The following CNOT6 variants were observed in gnomAD, a reference collection of about 807,000 sequenced individuals.
CNOT6 encodes the protein CCR4-NOT transcription complex subunit 6.
In CNOT6, 12 loss-of-function variants were observed where a neutral mutation model predicts 61.2. The ratio of observed to expected loss-of-function variants is 0.20; its 90% CI spans 0.13 to 0.32. CNOT6 has a LOEUF of 0.32. CNOT6 is among the 10% of genes least tolerant of loss of function. The probability of loss-of-function intolerance (pLI) is 1.00; values close to 1 mark genes in which losing one functional copy is unlikely to be tolerated. For synonymous variants in CNOT6, 225 were observed against 240.6 expected, an observed-to-expected ratio of 0.94 and a Z score of 0.60; for missense variants, 405 against 663.9, an observed-to-expected ratio of 0.61 and a Z score of 4.28.
chr5:180,529,474 C>A, intron 2 of CNOT6, 86 bp downstream of exon 2: 1 of 734,692 alleles, frequency 1.4e-6, no homozygotes, highest in Non-Finnish European at 2.4e-6. Flanking sequence ...AGGAAAGAAA[C>A]ATTGATTTTA....
At chr5:180,569,060 C>A in intron 9 of CNOT6, 50 bp from the exon 10 acceptor site, 1 of 1,350,902 alleles carries the variant, frequency 7.4e-7, no homozygotes, top group Non-Finnish European at 1.0e-6. Context: ...AATATATGGG[C>A]TGATGGGCGG....
At chr5:180,518,307 A>G (rs772201872) in intron 1 of CNOT6, among the ~76,000 whole-genome samples, 7 of 152,196 alleles carry the variant, frequency 4.6e-5, no homozygotes, top group South Asian at 2.1e-4. Flanking sequence ...GGCTCATTTT[A>G]TACATTTCCT....
At chr5:180,510,474 A>T (rs7705421) in intron 1 of CNOT6, among the ~76,000 whole-genome samples, 1 of 151,840 alleles carries the variant, frequency 6.6e-6, no homozygotes, top group Non-Finnish European at 1.5e-5. Context: ...GTCTAATGGA[A>T]CTAAGTGGGT....
intron 1 of CNOT6, among the ~76,000 whole-genome samples, chr5:180,528,785 T>A (rs964483998): frequency 6.6e-6 from 1 of 152,224 alleles, no homozygotes; most frequent in Admixed American, 6.5e-5. Flanking sequence ...CCCCCACAGC[T>A]GCTGCACCCT....
intron 6 of CNOT6, among the ~76,000 whole-genome samples, chr5:180,565,131 T>G (rs1760390129): frequency 6.6e-6 from 1 of 152,274 alleles, no homozygotes; most frequent in Non-Finnish European, 1.5e-5. Context: ...ATGTCAGTAG[T>G]GCGACTCTGG....
At chr5:180,538,355 T>TA (rs142961839) in intron 2 of CNOT6, among the ~76,000 whole-genome samples, 40,528 of 147,890 alleles carry the variant, frequency 0.27, 6,088 homozygotes, top group Middle Eastern at 0.41. Flanking sequence ...TCATCTTTAT[T>TA]AAAAAATACA....
intron 1 of CNOT6, among the ~76,000 whole-genome samples, chr5:180,519,633 T>C (rs1193890404): frequency 6.6e-6 from 1 of 152,208 alleles, no homozygotes; most frequent in Non-Finnish European, 1.5e-5. Flanking sequence ...AATTAATATA[T>C]TGAATATTTC....
chr5:180,537,804 CTTTTTT>C (rs11407875), intron 2 of CNOT6, among the ~76,000 whole-genome samples: 2 of 141,944 alleles, frequency 1.4e-5, no homozygotes, highest in Non-Finnish European at 3.0e-5. Flanking sequence ...CTTTCTCTCT[CTTTTTT>C]TTTTTTTTGG....
At chr5:180,549,831 A>G in intron 2 of CNOT6, 100 bp from the exon 3 acceptor site, 1 of 875,380 alleles carries the variant, frequency 1.1e-6, no homozygotes, top group East Asian at 2.4e-5. Context: ...TTGGATAATA[A>G]TTTAAGTTAC....
At chr5:180,519,553 A>G (rs550259250) in intron 1 of CNOT6, among the ~76,000 whole-genome samples, 1 of 152,306 alleles carries the variant, frequency 6.6e-6, no homozygotes, top group Admixed American at 6.5e-5. Flanking sequence ...ATAAAATGCA[A>G]TGTACATGTA....
At chr5:180,513,192 C>T (rs557786092) in intron 1 of CNOT6, among the ~76,000 whole-genome samples, 30 of 150,698 alleles carry the variant, frequency 2.0e-4, no homozygotes, top group African/African-American at 2.7e-4. Context: ...CCACTGCACC[C>T]GGCCATTTAT....
chr5:180,543,261 G>A (rs1170115125), intron 2 of CNOT6, among the ~76,000 whole-genome samples: 10 of 152,146 alleles, frequency 6.6e-5, no homozygotes, highest in East Asian at 1.9e-4. Flanking sequence ...GGGTTTCATC[G>A]TGTTAGCCAG....
In CNOT6 at chr5:180,565,979, TAAG is replaced by T; in HGVS notation, c.717+3_717+5del. The T allele has an allele frequency of 6.2e-7, 1 of 1,610,190 alleles. No individual in the cohort carries two copies. Among genetic ancestry groups the T allele is most frequent in the Admixed American group, 1.7e-5 (1 of 59,438 alleles). Reference sequence around the variant, plus strand: ...AATGCTGATATCGTAAGTCTTCAGGTAAGTCAGACAGAAGACAGTCAACCTAGC... The same window carrying T: ...AATGCTGATATCGTAAGTCTTCAGGTTCAGACAGAAGACAGTCAACCTAGC... On this transcript the variant is annotated splice_donor_5th_base_variant and intron_variant, in intron 7 of 11. Coordinates refer to ENST00000261951, the MANE Select transcript of CNOT6 (RefSeq NM_001370472.1).
rs1239246405 is a variant in CNOT6, at chr5:180,569,185, A to C, written c.1103A>C (p.Tyr368Ser). 1 of 1,614,166 alleles carries C rather than the reference A, an allele frequency of 6.2e-7. No individual in the cohort carries two copies. The highest frequency in any genetic ancestry group is 8.5e-7 in the Non-Finnish European group (1 of 1,180,008). Reference protein sequence around the residue: ...ANAHMHWDPEYSDVKLVQTMM... With the variant: ...ANAHMHWDPESSDVKLVQTMM... ...GCCCACATGCATTGGGACCCTGAATACTCTGATGTGAAGTTGGTACAAACT... is the reference window on the plus strand; with the variant it reads ...GCCCACATGCATTGGGACCCTGAATCCTCTGATGTGAAGTTGGTACAAACT... The change falls in exon 10 of 12, where the codon TAC becomes TCC. Residue 368 changes from tyrosine (Y) to serine (S), a missense_variant. Physicochemically the swap from Tyr to Ser is moderately radical, Grantham distance 144. Coordinates refer to ENST00000261951, the MANE Select transcript of CNOT6 (RefSeq NM_001370472.1).
intron 11 of CNOT6, among the ~76,000 whole-genome samples, chr5:180,573,375 G>A (rs1760849501): frequency 6.6e-6 from 1 of 152,128 alleles, no homozygotes; most frequent in African/African-American, 2.4e-5. Flanking sequence ...ATTACACCTT[G>A]AGATGGCCAT....
chr5:180,562,556 C>T lies in CNOT6; in HGVS notation c.386-1933C>T, dbSNP rs145660716. On this transcript the variant is annotated intron_variant, in intron 4 of 11. Transcript: ENST00000261951. ...GAGATTGAGACCATCTTGGCTAATGCGGTGAAACCCTGTCTCTACTAAAAA... is the reference window on the plus strand; with the variant it reads ...GAGATTGAGACCATCTTGGCTAATGTGGTGAAACCCTGTCTCTACTAAAAA... Among the ~76,000 whole-genome samples, 564 of 152,066 alleles carry T rather than the reference C, an allele frequency of 3.7e-3. 3 individuals carry two copies. Among genetic ancestry groups the T allele is most frequent in the African/African-American group, 0.012 (505 of 41,492 alleles).
At chr5:180,549,849 A>T (rs912021704) in intron 2 of CNOT6, 82 bp from the exon 3 acceptor site, 9 of 1,076,112 alleles carry the variant, frequency 8.4e-6, no homozygotes, top group Non-Finnish European at 9.4e-6. Context: ...TACTCATAAA[A>T]ACATCTAAAT....
intron 2 of CNOT6, among the ~76,000 whole-genome samples, chr5:180,539,465 A>G (rs1247395852): frequency 6.8e-6 from 1 of 148,078 alleles, no homozygotes; most frequent in African/African-American, 2.5e-5. Context: ...ACTAGGTAAT[A>G]GTTTTTTGGG....
Position 180,553,316 on chromosome 5 carries a change from CTA to C in CNOT6, c.300-68_300-67del, listed in dbSNP as rs1450670456. The C allele has an allele frequency of 8.1e-6, 8 of 992,170 alleles. No individual in the cohort carries two copies. In the African/African-American group the frequency reaches 9.7e-5, roughly 12 times the overall value. The allele number at this position is 992,170 out of a possible 1,614,324, so 61.5% of individuals were successfully genotyped here. On this transcript the variant is annotated intron_variant, in intron 3 of 11. Transcript: ENST00000261951. The stretch of plus-strand genomic sequence containing the variant: ...TCTTAGGTGCTTATGTTCCTAGAAA[CTA>C]TGTTGTTGATTTTAACTGTTAAAGG...
Sources: gnomAD v4.1 joint callset for allele counts (sites outside exome capture counted in the v4.1 genomes callset) on GRCh38, gnomAD v4.1.1 for gene constraint, MANE v1.5 for transcripts, NCBI Gene and HGNC (gene_info 2026-07-23, HGNC 2026-07-21) for gene names.